COL9A1: variants seen among roughly 807,000 people sequenced by gnomAD.
COL9A1 encodes the protein collagen type IX alpha 1 chain, also known as collagen alpha-1(IX) chain.
Under a neutral mutation model 142.6 loss-of-function variants are expected in COL9A1, and 104 were observed. That is an observed-to-expected ratio of 0.73 (90% CI 0.62 to 0.86). The LOEUF (loss-of-function observed/expected upper bound fraction) is 0.86. COL9A1 is among the 40% of genes least tolerant of loss of function. The pLI, the probability that COL9A1 is intolerant of heterozygous loss-of-function variation, is 0.00. For missense variants in COL9A1, 1,210 were observed against 1,176.6 expected (o/e 1.03, Z -0.42); for synonymous variants, 466 against 396.0 (o/e 1.18, Z -2.10).
intron 25 of COL9A1, among the ~76,000 whole-genome samples, chr6:70,253,804 T>C (rs1180153510): frequency 2.0e-5 from 3 of 152,128 alleles, no homozygotes; most frequent in Non-Finnish European, 2.9e-5. Flanking sequence ...TACAGAGTAA[T>C]AAAATGAAGA....
intron 28 of COL9A1, among the ~76,000 whole-genome samples, chr6:70,250,987 C>G (rs1770899849): frequency 6.6e-6 from 1 of 152,142 alleles, no homozygotes; most frequent in Non-Finnish European, 1.5e-5. Context: ...TAGGTAGGCA[C>G]TCAAGAAAAA....
intron 34 of COL9A1, 55 bp downstream of exon 34, chr6:70,234,736 CCTG>C (rs1310538148): frequency 3.8e-5 from 61 of 1,610,580 alleles, no homozygotes; most frequent in Non-Finnish European, 5.1e-5. Flanking sequence ...CTAGAACAGC[CCTG>C]CTGCTGTGGG....
intron 31 of COL9A1, 96 bp from the exon 32 acceptor site, chr6:70,240,829 G>T: frequency 1.1e-6 from 1 of 943,430 alleles, no homozygotes; most frequent in Non-Finnish European, 1.8e-6. Context: ...AGTGCCCACA[G>T]TGTTCCCAGA....
chr6:70,246,309 G>A (rs1206092640), intron 28 of COL9A1: 2 of 152,130 alleles, frequency 1.3e-5, no homozygotes, highest in South Asian at 2.1e-4. Context: ...GCAGTGACCC[G>A]AGATTGCATC....
intron 10 of COL9A1, among the ~76,000 whole-genome samples, chr6:70,278,511 T>C (rs1447581274): frequency 1.3e-5 from 2 of 152,210 alleles, no homozygotes. Flanking sequence ...GCAAATAGTA[T>C]AGTTGATTTT....
chr6:70,249,568 G>A (rs1395046686), intron 28 of COL9A1, among the ~76,000 whole-genome samples: 3 of 152,148 alleles, frequency 2.0e-5, no homozygotes, highest in African/African-American at 7.2e-5. Context: ...AAGAGATCTT[G>A]AAAAGAGGAC....
intron 33 of COL9A1, 49 bp downstream of exon 33, chr6:70,239,205 T>G (rs1770095355): frequency 8.6e-7 from 1 of 1,168,552 alleles, no homozygotes; most frequent in Admixed American, 1.8e-5. Flanking sequence ...TTCTACAGCT[T>G]TATTAATGTT....
In COL9A1 at chr6:70,273,003, T is replaced by C. The variant is rs538960071; in HGVS notation, c.1066-915A>G. ...GCTGTCTGTGATATGATATTCATGA[T>C]AGCTTTTCACTCCAGACTGGCTTTT... On this transcript the variant is annotated intron_variant, in intron 12 of 37. Transcript: ENST00000357250. Among the ~76,000 whole-genome samples, 345 of 152,300 alleles carry C rather than the reference T, an allele frequency of 2.3e-3. 3 individuals are homozygous for C. The highest frequency in any genetic ancestry group is 7.6e-3 in the African/African-American group (316 of 41,580).
intron 18 of COL9A1, among the ~76,000 whole-genome samples, chr6:70,264,906 A>G (rs1771917614): frequency 6.6e-6 from 1 of 152,108 alleles, no homozygotes; most frequent in South Asian, 2.1e-4. Flanking sequence ...CAAATTTGTG[A>G]ATTTGAATCC....
rs529005717 is a variant in COL9A1, at chr6:70,255,150, C to T, written c.1611G>A (p.Thr537=). 2.1e-5 allele frequency: 34 copies of T among 1,614,190 alleles called. No individual in the cohort carries two copies. The South Asian group carries it at 2.3e-4, about 11-fold the overall frequency. The change falls in exon 23 of 38, where the codon ACG becomes ACA. Residue 537 remains threonine (T), a splice_region_variant and synonymous_variant. Transcript: ENST00000357250. ...TTGATGACTACAGCTCAGGACATAC[C>T]GTGTCTCCTTTGGGCCCAGGGAGAC... The part of the protein sequence containing the change: ...IPGLPGPKGD[T]GLPGVDGRDG...
intron 12 of COL9A1, among the ~76,000 whole-genome samples, chr6:70,273,460 AAAG>A (rs1329955256): frequency 6.6e-6 from 1 of 152,194 alleles, no homozygotes; most frequent in Non-Finnish European, 1.5e-5. Context: ...AAATAGGAAA[AAAG>A]AAGAAAAAAT....
chr6:70,274,819 G>A lies in COL9A1; in HGVS notation c.976-47C>T, dbSNP rs757107134. On this transcript the variant is annotated intron_variant, in intron 10 of 37. Coordinates refer to ENST00000357250, the MANE Select transcript of COL9A1 (RefSeq NM_001851.6). ...GTTAGAACTATCATAACATCCTTAGGCAAACCACTAAGTAGAAAACTTTCA... is the reference window on the plus strand; with the variant it reads ...GTTAGAACTATCATAACATCCTTAGACAAACCACTAAGTAGAAAACTTTCA... 5 of 1,463,014 alleles carry A rather than the reference G, an allele frequency of 3.4e-6. No homozygotes were observed. In the Admixed American group the frequency reaches 8.4e-5, roughly 25 times the overall value. The allele number at this position is 1,463,014 out of a possible 1,614,324, so 90.6% of individuals were successfully genotyped here.
chr6:70,223,708 G>A (rs538324675), intron 37 of COL9A1, among the ~76,000 whole-genome samples: 146 of 152,362 alleles, frequency 9.6e-4, no homozygotes, highest in Admixed American at 2.4e-3. Context: ...TCCACCAGCA[G>A]ACCCCTCTTC....
intron 20 of COL9A1, among the ~76,000 whole-genome samples, chr6:70,260,180 T>G (rs539578094): frequency 6.6e-6 from 1 of 152,200 alleles, no homozygotes; most frequent in East Asian, 1.9e-4. Flanking sequence ...ATACTGCTCA[T>G]TCCTATTATC....
chr6:70,260,919 A>C, intron 19 of COL9A1: 1 of 491,928 alleles, frequency 2.0e-6, no homozygotes, highest in Non-Finnish European at 3.6e-6. Flanking sequence ...AAAATTCTGA[A>C]GTCTTACACA....
intron 18 of COL9A1, 145 bp downstream of exon 18, chr6:70,266,572 T>C (rs1239576914): frequency 1.4e-6 from 1 of 720,096 alleles, no homozygotes; most frequent in Non-Finnish European, 2.5e-6. Context: ...TATTGATGCA[T>C]CTGCTTAGAA....
chr6:70,279,183 G>A (rs547765392), intron 10 of COL9A1, among the ~76,000 whole-genome samples: 61 of 152,100 alleles, frequency 4.0e-4, no homozygotes, highest in African/African-American at 1.4e-3. Context: ...AGCTACATTA[G>A]GCTACCAGTT....
chr6:70,264,596 T>C (rs1055843695), intron 18 of COL9A1, among the ~76,000 whole-genome samples: 1 of 152,042 alleles, frequency 6.6e-6, no homozygotes, highest in African/African-American at 2.4e-5. Context: ...GTGATTGATA[T>C]GTCCACTGAA....
At chr6:70,227,541 G>A (rs1156243795) in intron 36 of COL9A1, among the ~76,000 whole-genome samples, 2 of 150,886 alleles carry the variant, frequency 1.3e-5, no homozygotes, top group South Asian at 4.2e-4. Context: ...ATTATGAATT[G>A]CTGATAAGAG....
Sources: allele counts gnomAD v4.1 joint callset (sites outside exome capture counted in the v4.1 genomes callset), GRCh38; gene constraint gnomAD v4.1.1; transcripts MANE v1.5; gene names NCBI Gene and HGNC (gene_info 2026-07-23, HGNC 2026-07-21).